DOCK2: variants seen among roughly 807,000 people sequenced by gnomAD.
DOCK2 encodes dedicator of cytokinesis 2, also known as dedicator of cytokinesis protein 2.
In DOCK2, 87 loss-of-function variants were observed where a neutral mutation model predicts 248.9. That is an observed-to-expected ratio of 0.35 (90% CI 0.29 to 0.42). The LOEUF (loss-of-function observed/expected upper bound fraction) is 0.42. Ranked by LOEUF, DOCK2 falls within the 10% of genes least tolerant of loss-of-function variation. The pLI is 1.00. For missense variants in DOCK2, 1,747 were observed against 2,300.2 expected, an observed-to-expected ratio of 0.76 and a Z score of 4.92; for synonymous variants, 805 against 821.6, an observed-to-expected ratio of 0.98 and a Z score of 0.35.
intron 13 of DOCK2, among the ~76,000 whole-genome samples, chr5:169,701,719 T>C (rs1476995880): frequency 6.6e-6 from 1 of 152,146 alleles, no homozygotes; most frequent in Non-Finnish European, 1.5e-5. Flanking sequence ...GGTTTTGCCA[T>C]GTTTCCCAGG....
chr5:169,867,251 C>T (rs958256231), intron 27 of DOCK2, among the ~76,000 whole-genome samples: 5 of 152,184 alleles, frequency 3.3e-5, no homozygotes, highest in African/African-American at 7.2e-5. Context: ...GATTAGATTC[C>T]GGCCTTAGGC....
intron 2 of DOCK2, among the ~76,000 whole-genome samples, chr5:169,659,336 G>A (rs1758316306): frequency 6.6e-6 from 1 of 152,100 alleles, no homozygotes; most frequent in African/African-American, 2.4e-5. Context: ...TTCTTATGGG[G>A]ATAAAATGAG....
rs118145695 is a variant in DOCK2 at position 169,806,522 on chromosome 5, C to T, written c.2703+3316C>T. Among the ~76,000 whole-genome samples, 588 of 152,042 alleles carry T rather than the reference C, an allele frequency of 3.9e-3. 11 individuals are homozygous for T. The East Asian group carries it at 0.064, about 16-fold the overall frequency. ...CCCCGGTGAAACCCCATCTCCAAGC[C>T]GAAGAGTTTAAAACCTGAAAGTCAA... On this transcript the variant is annotated intron_variant, in intron 26 of 51. Coordinates refer to ENST00000520908, the MANE Select transcript of DOCK2 (RefSeq NM_004946.3).
chr5:169,789,280 T>C (rs191932391), intron 25 of DOCK2, among the ~76,000 whole-genome samples: 73 of 152,374 alleles, frequency 4.8e-4, no homozygotes, highest in Middle Eastern at 3.4e-3. Context: ...GTTAATTCCA[T>C]GTCTTTGCAA....
intron 27 of DOCK2, among the ~76,000 whole-genome samples, chr5:169,877,036 G>T (rs558702914): frequency 1.3e-5 from 2 of 152,204 alleles, no homozygotes; most frequent in Non-Finnish European, 2.9e-5. Context: ...TGGCATGGGG[G>T]TCCTTCTGGG....
intron 44 of DOCK2, among the ~76,000 whole-genome samples, chr5:170,065,037 T>A (rs1054553797): frequency 1.3e-5 from 2 of 152,036 alleles, no homozygotes; most frequent in African/African-American, 4.8e-5. Flanking sequence ...AAAAAAAATA[T>A]AAAAAGACAC....
At chr5:169,721,901 G>T (rs1414015990) in intron 22 of DOCK2, among the ~76,000 whole-genome samples, 1 of 152,222 alleles carries the variant, frequency 6.6e-6, no homozygotes, top group Non-Finnish European at 1.5e-5. Context: ...TGTGTCACTA[G>T]CTCCTGAGTC....
Position 169,854,765 on chromosome 5 carries a change from G to A in DOCK2, c.2799+13913G>A, listed in dbSNP as rs140439007. Among the ~76,000 whole-genome samples, 6 of 152,338 alleles carry A rather than the reference G, an allele frequency of 3.9e-5. No individual in the cohort carries two copies. The East Asian group carries it at 1.2e-3, about 29-fold the overall frequency. On this transcript the variant is annotated intron_variant, in intron 27 of 51. Coordinates refer to ENST00000520908, the MANE Select transcript of DOCK2 (RefSeq NM_004946.3). ...ATTTACAGCATCTCAGGCAATTTGA[G>A]AAGCCCTTGGAGAGTCCCAGAGATG...
At chr5:169,737,032 T>G (rs1763073162) in intron 22 of DOCK2, among the ~76,000 whole-genome samples, 1 of 152,106 alleles carries the variant, frequency 6.6e-6, no homozygotes, top group Non-Finnish European at 1.5e-5. Flanking sequence ...AAGCAGATAA[T>G]CATGTGGGTG....
intron 27 of DOCK2, among the ~76,000 whole-genome samples, chr5:169,876,723 C>T (rs1383204174): frequency 2.0e-5 from 3 of 152,210 alleles, no homozygotes; most frequent in Non-Finnish European, 4.4e-5. Context: ...AGAAGCCCTC[C>T]TTCCTAATAA....
At chr5:169,913,253 C>T (rs1387784350) in intron 27 of DOCK2, among the ~76,000 whole-genome samples, 2 of 152,228 alleles carry the variant, frequency 1.3e-5, no homozygotes, top group Non-Finnish European at 2.9e-5. Context: ...CGGCTCTACT[C>T]ATCCCAAGAG....
chr5:169,819,397 G>T (rs533674791), intron 26 of DOCK2, among the ~76,000 whole-genome samples: 2 of 152,308 alleles, frequency 1.3e-5, no homozygotes, highest in East Asian at 3.9e-4. Context: ...AAAGCTAGGG[G>T]ATTGCTTGAG....
intron 19 of DOCK2, 108 bp from the exon 20 acceptor site, chr5:169,716,102 TGTG>T: frequency 1.1e-6 from 1 of 941,932 alleles, no homozygotes; most frequent in South Asian, 1.5e-5. Flanking sequence ...GAGCATGACA[TGTG>T]GTGGATGTGT....
intron 15 of DOCK2, 117 bp from the exon 16 acceptor site, chr5:169,711,818 A>C: frequency 9.6e-7 from 1 of 1,045,528 alleles, no homozygotes; most frequent in South Asian, 1.3e-5. Flanking sequence ...ATGGGTTGTA[A>C]ATCAGCAGGC....
chr5:169,761,697 G>C, intron 25 of DOCK2, 72 bp downstream of exon 25: 2 of 1,246,274 alleles, frequency 1.6e-6, no homozygotes, highest in Non-Finnish European at 2.3e-6. Context: ...GGGAAGCTTG[G>C]CAGGAGAGGG....
At chr5:169,785,113 A>T (rs984599431) in intron 25 of DOCK2, among the ~76,000 whole-genome samples, 1 of 152,212 alleles carries the variant, frequency 6.6e-6, no homozygotes, top group Non-Finnish European at 1.5e-5. Context: ...ATAAGAGATG[A>T]ACTCGTATGT....
In DOCK2 at chr5:169,718,659, A is replaced by G. The variant is rs368031697; in HGVS notation, c.2135A>G (p.Lys712Arg). The part of the protein sequence containing the change: ...QHFSATLAYK[K>R]LMTVLKTYLD... Reference sequence around the variant, plus strand: ...TGAAAATATTATCCCTTATTCAGGAAATTGATGACAGTGCTGAAGACTTAC... The same window carrying G: ...TGAAAATATTATCCCTTATTCAGGAGATTGATGACAGTGCTGAAGACTTAC... Residue 712 changes from lysine to arginine, a missense_variant and splice_region_variant, in exon 22 of 52, where the codon AAA (lysine) becomes AGA (arginine). Around this residue, in one of 4 missense-constraint regions of DOCK2, gnomAD observed 858 missense variants for 1,183.5 expected, o/e 0.72. Transcript: ENST00000520908. 3 of 1,610,808 alleles carry G rather than the reference A, an allele frequency of 1.9e-6. No individual in the cohort carries two copies. The highest frequency in any genetic ancestry group is 2.5e-6 in the Non-Finnish European group (3 of 1,178,218).
At chr5:169,696,081 T>A in intron 10 of DOCK2, 143 bp downstream of exon 10, 1 of 1,148,634 alleles carries the variant, frequency 8.7e-7, no homozygotes, top group East Asian at 2.9e-5. Context: ...AATAACTACA[T>A]TTCTGGTGAC....
rs372844462 is a variant in DOCK2, at chr5:169,681,009, A to G, written c.471-735A>G. Among the ~76,000 whole-genome samples, 17 of 150,618 alleles carry G rather than the reference A, an allele frequency of 1.1e-4. No homozygotes were observed. In the East Asian group the frequency reaches 2.9e-3, roughly 26 times the overall value. Reference sequence around the variant, plus strand: ...ATGCTTGATTTTTGCACTGAAATATATTATTAAACATAGCAAAACTATATA... The same window carrying G: ...ATGCTTGATTTTTGCACTGAAATATGTTATTAAACATAGCAAAACTATATA... On this transcript the variant is annotated intron_variant, in intron 6 of 51. Coordinates refer to ENST00000520908, the MANE Select transcript of DOCK2 (RefSeq NM_004946.3).
Sources: allele counts gnomAD v4.1 joint callset (sites outside exome capture counted in the v4.1 genomes callset), GRCh38; gene constraint gnomAD v4.1.1; regional missense constraint gnomAD v4.1.1; transcripts MANE v1.5; gene names NCBI Gene and HGNC (gene_info 2026-07-23, HGNC 2026-07-21).